Variants in SHANK2 observed in about 807,000 individuals in gnomAD.
SHANK2 encodes SH3 and multiple ankyrin repeat domains protein 2.
In SHANK2, 43 loss-of-function variants were observed where a neutral mutation model predicts 133.7. The ratio of observed to expected loss-of-function variants is 0.32; its 90% CI spans 0.25 to 0.41. SHANK2 has a LOEUF of 0.41. SHANK2 is among the 10% of genes least tolerant of loss of function. SHANK2 has a pLI of 1.00. For missense variants in SHANK2, 1,994 were observed against 2,235.8 expected, an observed-to-expected ratio of 0.89 and a Z score of 2.18; for synonymous variants, 1,017 against 952.8, an observed-to-expected ratio of 1.07 and a Z score of -1.24.
intron 17 of SHANK2, among the ~76,000 whole-genome samples, chr11:70,561,080 C>G (rs1398201515): frequency 6.6e-6 from 1 of 152,244 alleles, no homozygotes; most frequent in Non-Finnish European, 1.5e-5. Flanking sequence ...TAGGAATCTG[C>G]AGGATTCTTC....
At chr11:70,641,167 C>T (rs1310835514) in intron 17 of SHANK2, among the ~76,000 whole-genome samples, 2 of 148,956 alleles carry the variant, frequency 1.3e-5, no homozygotes, top group Non-Finnish European at 3.0e-5. Context: ...ATGATCTTGG[C>T]TCACCGCAAG....
In SHANK2 at chr11:70,528,372, G is replaced by A. The variant is rs571870008; in HGVS notation, c.2062-25441C>T. ...CGAGGCTCCTTGCCAGTGCCTCGACGCGCAATGCAGGTGCCACCTGGTGGC... is the reference window on the plus strand; with the variant it reads ...CGAGGCTCCTTGCCAGTGCCTCGACACGCAATGCAGGTGCCACCTGGTGGC... On this transcript the variant is annotated intron_variant, in intron 17 of 25. Coordinates refer to ENST00000601538, the MANE Select transcript of SHANK2 (RefSeq NM_012309.5). Among the ~76,000 whole-genome samples the A allele has an allele frequency of 6.6e-5, 10 of 152,290 alleles. No individual in the cohort carries two copies. The South Asian group carries it at 1.4e-3, about 22-fold the overall frequency.
intron 17 of SHANK2, among the ~76,000 whole-genome samples, chr11:70,546,949 C>T (rs973213815): frequency 6.6e-6 from 1 of 152,190 alleles, no homozygotes. Flanking sequence ...CGTATCAAAT[C>T]CAACTTTAGC....
rs773676190 is a variant in SHANK2, at chr11:70,719,638, C to T, written c.1778-20875G>A. 2.5e-4 allele frequency among the ~76,000 whole-genome samples: 38 copies of T among 152,166 alleles called. No homozygotes were observed. The Middle Eastern group carries it at 0.014, about 54-fold the overall frequency. ...CGGAGGGTCATAAAAATAGCCCTAC[C>T]TGGCACGCCAGGGGCCCAGGGGGCT... On this transcript the variant is annotated intron_variant, in intron 14 of 25. Coordinates refer to ENST00000601538, the MANE Select transcript of SHANK2 (RefSeq NM_012309.5).
At chr11:71,102,419 C>T (rs188406635) in intron 6 of SHANK2, among the ~76,000 whole-genome samples, 8 of 152,248 alleles carry the variant, frequency 5.3e-5, no homozygotes, top group East Asian at 3.9e-4. Context: ...TGCTTCCCTC[C>T]GCTCCGGCCC....
At chr11:70,713,443 C>T (rs1353842542) in intron 14 of SHANK2, among the ~76,000 whole-genome samples, 5 of 152,250 alleles carry the variant, frequency 3.3e-5, no homozygotes, top group African/African-American at 1.2e-4. Context: ...TTCACAGAAC[C>T]CCCGTAGCAG....
At chr11:70,516,834 C>T (rs1044291133) in intron 17 of SHANK2, among the ~76,000 whole-genome samples, 23 of 151,996 alleles carry the variant, frequency 1.5e-4, no homozygotes, top group Admixed American at 7.2e-4. Context: ...TTTGGGGGGC[C>T]GAGTCGGGTG....
At chr11:70,792,477 T>C (rs547900405) in intron 14 of SHANK2, among the ~76,000 whole-genome samples, 6 of 152,330 alleles carry the variant, frequency 3.9e-5, no homozygotes, top group African/African-American at 1.4e-4. Flanking sequence ...TGCTGTTTGT[T>C]ATCCCCAACC....
At chr11:70,942,109 C>A (rs1202243010) in intron 10 of SHANK2, among the ~76,000 whole-genome samples, 1 of 152,000 alleles carries the variant, frequency 6.6e-6, no homozygotes, top group Non-Finnish European at 1.5e-5. Flanking sequence ...ATTGTGTGAA[C>A]CCAGGAGGCG....
chr11:70,690,802 AGCATACTG>A (rs1179103513), intron 15 of SHANK2, among the ~76,000 whole-genome samples: 1 of 152,018 alleles, frequency 6.6e-6, no homozygotes, highest in Non-Finnish European at 1.5e-5. Flanking sequence ...GTAATCCATT[AGCATACTG>A]GCAAGAACTA....
In SHANK2 at chr11:70,490,017, C is replaced by T. The variant is rs1035139943; in HGVS notation, c.2551+259G>A. On this transcript the variant is annotated intron_variant, in intron 23 of 25. Transcript: ENST00000601538. Reference sequence around the variant, plus strand: ...ACCCTGCTGGAATTATCACAGATAACTGGGCTTCAAGATGACAGAAGCCAC... The same window carrying T: ...ACCCTGCTGGAATTATCACAGATAATTGGGCTTCAAGATGACAGAAGCCAC... The T allele has an allele frequency of 3.0e-5, 7 of 236,862 alleles. No individual in the cohort carries two copies. In the Admixed American group the frequency reaches 3.8e-4, roughly 13 times the overall value. 14.7% of individuals were successfully genotyped at this position (236,862 alleles called of 1,614,324 possible). A position where few individuals can be genotyped will look rare whatever the true frequency, so the allele number is the denominator to read the frequency against.
At chr11:70,772,655 C>T (rs1947276970) in intron 14 of SHANK2, among the ~76,000 whole-genome samples, 1 of 152,080 alleles carries the variant, frequency 6.6e-6, no homozygotes, top group Admixed American at 6.5e-5. Context: ...AAGAAAATGG[C>T]CCTTGTCACC....
At position 70,703,251 on chromosome 11, in the gene SHANK2, G is replaced by T. The variant is rs1450891583; in HGVS notation, c.1778-4488C>A. On this transcript the variant is annotated intron_variant, in intron 14 of 25. Coordinates refer to ENST00000601538, the MANE Select transcript of SHANK2 (RefSeq NM_012309.5). ...CTGGTTTACGGGTGAGGAGGGGGAG[G>T]CTCACAGAGTTTGAGTGAGTCACCC... Among the ~76,000 whole-genome samples the T allele has an allele frequency of 3.3e-5, 5 of 152,196 alleles. No individual in the cohort carries two copies. The East Asian group carries it at 9.6e-4, about 29-fold the overall frequency.
chr11:70,791,496 C>T (rs2135179889), intron 14 of SHANK2, among the ~76,000 whole-genome samples: 1 of 152,344 alleles, frequency 6.6e-6, no homozygotes, highest in East Asian at 1.9e-4. Context: ...ATGCCTCTGT[C>T]TCTTACGCAC....
At chr11:70,613,234 T>C (rs2060686689) in intron 17 of SHANK2, among the ~76,000 whole-genome samples, 1 of 152,110 alleles carries the variant, frequency 6.6e-6, no homozygotes, top group African/African-American at 2.4e-5. Flanking sequence ...GATGGAGTCT[T>C]GCTCTGTCGC....
intron 17 of SHANK2, among the ~76,000 whole-genome samples, chr11:70,573,213 G>A (rs1554983453): frequency 6.7e-6 from 1 of 149,896 alleles, no homozygotes; most frequent in East Asian, 2.0e-4. Context: ...GAGCTGGGCG[G>A]TCACTGCAGC....
In SHANK2 at chr11:71,219,166, G is replaced by A. The variant is rs532923864; in HGVS notation, c.-13+5531C>T. On this transcript the variant is annotated intron_variant, in intron 2 of 25. Transcript: ENST00000601538. ...AAAGTGGCATGGTTCTAGGCAATGC[G>A]CTGAGATCATTTAGAACAAGGCCCA... Among the ~76,000 whole-genome samples, 29 of 152,312 alleles carry A rather than the reference G, an allele frequency of 1.9e-4. No homozygotes were observed. In the South Asian group the frequency reaches 2.3e-3, roughly 12 times the overall value.
intron 17 of SHANK2, among the ~76,000 whole-genome samples, chr11:70,597,464 A>AAGAGGGTAGAGAGGATAG (rs577563951): frequency 6.6e-6 from 1 of 152,044 alleles, no homozygotes; most frequent in African/African-American, 2.4e-5. Flanking sequence ...GCGGTAAGAT[A>AAGAGGGTAGAGAGGATAG]AGAGGGTAGA....
rs147494340 is a variant in SHANK2, at chr11:70,703,799, C to T, written c.1778-5036G>A. ...TCAGAGCTGACCACACCTTCAGCCGCGCATGCACCTGCTCACCTGGCTGGC... is the reference window on the plus strand; with the variant it reads ...TCAGAGCTGACCACACCTTCAGCCGTGCATGCACCTGCTCACCTGGCTGGC... On this transcript the variant is annotated intron_variant, in intron 14 of 25. Transcript: ENST00000601538. 7.9e-4 allele frequency among the ~76,000 whole-genome samples: 121 copies of T among 152,294 alleles called. 1 individual carries two copies. In the East Asian group the frequency reaches 0.021, roughly 27 times the overall value.
Sources: gnomAD v4.1 joint callset for allele counts (sites outside exome capture counted in the v4.1 genomes callset) on GRCh38, gnomAD v4.1.1 for gene constraint, MANE v1.5 for transcripts, NCBI Gene and HGNC (gene_info 2026-07-23, HGNC 2026-07-21) for gene names.